The following CSNK1G1 variants were observed in gnomAD, a reference collection of about 807,000 sequenced individuals.
CSNK1G1 encodes casein kinase 1 gamma 1.
In CSNK1G1, 22 loss-of-function variants were observed where a neutral mutation model predicts 59.6. That is an observed-to-expected ratio of 0.37 (90% confidence interval 0.26 to 0.53). The LOEUF is 0.53. Ranked by LOEUF, CSNK1G1 falls within the 20% of genes least tolerant of loss-of-function variation. The probability of loss-of-function intolerance (pLI) is 0.89; values close to 1 mark genes in which losing one functional copy is unlikely to be tolerated. For missense variants in CSNK1G1, 384 were observed against 519.5 expected, an observed-to-expected ratio of 0.74 and a Z score of 2.54; for synonymous variants, 179 against 177.1, an observed-to-expected ratio of 1.01 and a Z score of -0.08.
chr15:64,219,802 T>A (rs1399249811), intron 4 of CSNK1G1, among the ~76,000 whole-genome samples: 2 of 143,306 alleles, frequency 1.4e-5, no homozygotes, highest in African/African-American at 5.5e-5. Flanking sequence ...TGAGACAGAG[T>A]CTCGCTCTGT....
chr15:64,308,663 G>A (rs938955681), intron 1 of CSNK1G1, among the ~76,000 whole-genome samples: 2 of 152,136 alleles, frequency 1.3e-5, no homozygotes, highest in South Asian at 2.1e-4. Context: ...TTGGGAGGCC[G>A]AGGCGGGTGG....
intron 4 of CSNK1G1, among the ~76,000 whole-genome samples, chr15:64,240,940 T>G (rs1434034600): frequency 6.6e-6 from 1 of 152,102 alleles, no homozygotes; most frequent in African/African-American, 2.4e-5. Context: ...GTTGCGATGA[T>G]TAACAGTAAG....
intron 2 of CSNK1G1, among the ~76,000 whole-genome samples, chr15:64,275,445 G>T (rs1369139751): frequency 6.6e-6 from 1 of 152,122 alleles, no homozygotes. Flanking sequence ...TAACTTAATA[G>T]TATTAAAATA....
chr15:64,250,769 A>AG lies in CSNK1G1; in HGVS notation c.292+742_292+743insC, dbSNP rs11383151. Among the ~76,000 whole-genome samples, 1,276 of 152,072 alleles carry AG rather than the reference A, an allele frequency of 8.4e-3. 19 individuals carry two copies. The highest frequency in any genetic ancestry group is 0.029 in the African/African-American group (1,197 of 41,420). ...TCCAAAACAAGAAAGAAAGAAAGAA[A>AG]AAAAAAATAGAAACCAAGCTTTAGT... On this transcript the variant is annotated intron_variant, in intron 4 of 11. Transcript: ENST00000303052.
rs147114637 is a variant in CSNK1G1 at position 64,194,581 on chromosome 15, G to A, written c.1107+8501C>T. The stretch of plus-strand genomic sequence containing the variant: ...TGCCCAGGCTGGAGTGCAGTGGTGC[G>A]ATCTCGGCTCACTGCAAACTCTGAC... On this transcript the variant is annotated intron_variant, in intron 10 of 11. Transcript: ENST00000303052. Among the ~76,000 whole-genome samples the A allele has an allele frequency of 8.4e-3, 1,228 of 146,344 alleles. 16 individuals carry two copies. Among genetic ancestry groups the A allele is most frequent in the African/African-American group, 0.029 (1,152 of 39,246 alleles).
chr15:64,233,191 A>G (rs1334740303), intron 4 of CSNK1G1, among the ~76,000 whole-genome samples: 1 of 152,218 alleles, frequency 6.6e-6, no homozygotes, highest in Non-Finnish European at 1.5e-5. Flanking sequence ...GATGCGCTGA[A>G]AAGGTGTCAG....
At chr15:64,284,370 G>A (rs766616996) in intron 2 of CSNK1G1, among the ~76,000 whole-genome samples, 1 of 152,108 alleles carries the variant, frequency 6.6e-6, no homozygotes. Flanking sequence ...CTGAGATTCT[G>A]ATAAGGACTG....
At chr15:64,288,083 G>A (rs1894524594) in intron 2 of CSNK1G1, among the ~76,000 whole-genome samples, 1 of 152,084 alleles carries the variant, frequency 6.6e-6, no homozygotes, top group African/African-American at 2.4e-5. Context: ...TTTTTTAATT[G>A]TTGGACTTGA....
At position 64,284,265 on chromosome 15, in the gene CSNK1G1, GTTC is replaced by G. The variant is rs564885030; in HGVS notation, c.181+16051_181+16053del. On this transcript the variant is annotated intron_variant, in intron 2 of 11. Transcript: ENST00000303052. ...TCCAAAGTATGAGTCATCCAACTTT[GTTC>G]TTCTTTTTTCAAGATTGTTTTGGCT... 4.8e-3 allele frequency among the ~76,000 whole-genome samples: 737 copies of G among 152,220 alleles called. 5 individuals are homozygous for G. Among genetic ancestry groups the G allele is most frequent in the Middle Eastern group, 0.014 (4 of 294 alleles).
In CSNK1G1 at chr15:64,180,393, G is replaced by A. The variant is rs1294617345; in HGVS notation, c.1169C>T (p.Ala390Val). Reference protein sequence around the residue: ...VDDPTGAHSNAPITAHAEVEV... With the variant: ...VDDPTGAHSNVPITAHAEVEV... ...CACCTCGGCATGAGCTGTGATTGGT[G>A]CATTGGAGTGGGCTCCCGTGGGATC... Residue 390 changes from alanine to valine, a missense_variant, in exon 11 of 12, where the codon GCA becomes GTA. By Grantham distance (64) the Ala-to-Val change is moderately conservative. Around this residue, in one of 3 missense-constraint regions of CSNK1G1, gnomAD observed 325 missense variants for 440.9 expected, o/e 0.74. Coordinates refer to ENST00000303052, the MANE Select transcript of CSNK1G1 (RefSeq NM_022048.5). 6.2e-7 allele frequency: 1 copy of A among 1,614,160 alleles called. No homozygotes were observed. The highest frequency in any genetic ancestry group is 1.7e-5 in the Admixed American group (1 of 60,024).
At chr15:64,189,451 A>C (rs758285524) in intron 10 of CSNK1G1, 1 of 1,290,098 alleles carries the variant, frequency 7.8e-7, no homozygotes, top group African/African-American at 1.5e-5. Context: ...TGTTAACATC[A>C]TAATGCTCAG....
chr15:64,250,880 AT>A (rs1337817076), intron 4 of CSNK1G1, among the ~76,000 whole-genome samples: 2 of 152,220 alleles, frequency 1.3e-5, no homozygotes, highest in African/African-American at 4.8e-5. Context: ...GCTCTGAAAG[AT>A]TTCATCTTCT....
chr15:64,244,099 G>A (rs561163542), intron 4 of CSNK1G1, among the ~76,000 whole-genome samples: 19 of 151,800 alleles, frequency 1.3e-4, no homozygotes, highest in African/African-American at 4.4e-4. Flanking sequence ...AATCTGGGAG[G>A]CAGAGGTTGC....
intron 4 of CSNK1G1, among the ~76,000 whole-genome samples, chr15:64,232,266 T>C (rs1240926318): frequency 6.6e-6 from 1 of 152,210 alleles, no homozygotes; most frequent in Non-Finnish European, 1.5e-5. Context: ...ATGTTAAAAA[T>C]TGATCTTTTT....
chr15:64,305,434 G>C (rs1895628719), intron 1 of CSNK1G1, among the ~76,000 whole-genome samples: 1 of 151,940 alleles, frequency 6.6e-6, no homozygotes. Flanking sequence ...CAAAACAAAA[G>C]GCCAGGTGCA....
intron 3 of CSNK1G1, 31 bp from the exon 4 acceptor site, chr15:64,251,612 A>T (rs1892088794): frequency 6.7e-7 from 1 of 1,487,010 alleles, no homozygotes; most frequent in South Asian, 1.2e-5. Context: ...CTGTGATCAG[A>T]TTTAAACAAA....
chr15:64,335,976 A>G (rs879599156), intron 1 of CSNK1G1: 1 of 152,206 alleles, frequency 6.6e-6, no homozygotes, highest in Non-Finnish European at 1.5e-5. Flanking sequence ...TAGGCCTAAC[A>G]CATAGTATAA....
At chr15:64,205,354 G>C (rs1050786209) in intron 7 of CSNK1G1, among the ~76,000 whole-genome samples, 7 of 152,140 alleles carry the variant, frequency 4.6e-5, no homozygotes, top group African/African-American at 1.7e-4. Flanking sequence ...TCCAGGTGGG[G>C]GAAACAGATA....
chr15:64,333,024 A>G (rs1897195371), intron 1 of CSNK1G1, among the ~76,000 whole-genome samples: 1 of 152,090 alleles, frequency 6.6e-6, no homozygotes, highest in African/African-American at 2.4e-5. Context: ...TGGGAGGCCA[A>G]GGTAGATGGA....
Sources: allele counts gnomAD v4.1 joint callset (sites outside exome capture counted in the v4.1 genomes callset), GRCh38; gene constraint gnomAD v4.1.1; regional missense constraint gnomAD v4.1.1; transcripts MANE v1.5; gene names NCBI Gene and HGNC (gene_info 2026-07-23, HGNC 2026-07-21).